ZNF536: variants seen among roughly 807,000 people sequenced by gnomAD.
ZNF536 encodes the protein zinc finger protein 536.
A neutral mutation model predicts 84.5 loss-of-function variants in ZNF536; 13 were observed. The ratio of observed to expected loss-of-function variants is 0.15; its 90% CI spans 0.10 to 0.24. The LOEUF (loss-of-function observed/expected upper bound fraction) is 0.24, where lower values mean the gene tolerates loss of function less well. Among genes scored for constraint, ZNF536 ranks in the 10% least tolerant of loss-of-function variants. The probability of loss-of-function intolerance (pLI) is 1.00; values close to 1 mark genes in which losing one functional copy is unlikely to be tolerated. For missense variants in ZNF536, 1,536 were observed against 1,747.5 expected, an observed-to-expected ratio of 0.88 and a Z score of 2.16; for synonymous variants, 811 against 742.5, an observed-to-expected ratio of 1.09 and a Z score of -1.50.
At chr19:30,313,137 C>T (rs1445712755) in intron 2 of ZNF536, among the ~76,000 whole-genome samples, 1 of 152,240 alleles carries the variant, frequency 6.6e-6, no homozygotes, top group Non-Finnish European at 1.5e-5. Context: ...GCCCGGGGCA[C>T]TCACAAGGAT....
chr19:30,526,246 C>G (rs969754357), intron 2 of ZNF536, among the ~76,000 whole-genome samples: 1 of 152,222 alleles, frequency 6.6e-6, no homozygotes, highest in Admixed American at 6.5e-5. Flanking sequence ...AGTCTCTAGC[C>G]TGGGGACTGA....
intron 4 of ZNF536, chr19:30,555,382 T>C (rs1430091289): frequency 1.3e-5 from 2 of 152,218 alleles, no homozygotes; most frequent in African/African-American, 4.8e-5. Flanking sequence ...ACGGCAGGCA[T>C]CAACCTTACC....
At chr19:30,679,594 A>G (rs1426835992) in intron 1 of ZNF536, among the ~76,000 whole-genome samples, 1 of 152,166 alleles carries the variant, frequency 6.6e-6, no homozygotes, top group Non-Finnish European at 1.5e-5. Context: ...TCCAGGAGGC[A>G]GAGCCCTTGG....
rs1307025035 is a variant in ZNF536, at chr19:30,245,359, A to G, written c.-190+16686A>G. On this transcript the variant is annotated intron_variant, in intron 1 of 5. Transcript: ENST00000585628. ...CACTTACCCATCTCCTTCCCTCCAC[A>G]GGACTAGACTCCCCAAAGCCAGGGC... Among the ~76,000 whole-genome samples the G allele has an allele frequency of 3.3e-5, 5 of 152,182 alleles. No homozygotes were observed. The East Asian group carries it at 9.6e-4, about 29-fold the overall frequency.
chr19:30,535,586 G>C lies in ZNF536; in HGVS notation c.2323+587G>C, dbSNP rs2045038261. On this transcript the variant is annotated intron_variant, in intron 3 of 4. Coordinates refer to ENST00000355537, the MANE Select transcript of ZNF536 (RefSeq NM_014717.3). ...TGCTCTTAGGCAAAGGGGGGCAAGTGGCTGCTGCACCCCTCTGGCCATTTC... is the reference window on the plus strand; with the variant it reads ...TGCTCTTAGGCAAAGGGGGGCAAGTCGCTGCTGCACCCCTCTGGCCATTTC... Among the ~76,000 whole-genome samples the C allele has an allele frequency of 2.0e-5, 3 of 152,088 alleles. No homozygotes were observed. In the South Asian group the frequency reaches 6.2e-4, roughly 32 times the overall value.
chr19:30,386,689 C>T (rs1391760904), intron 1 of ZNF536, among the ~76,000 whole-genome samples: 5 of 152,344 alleles, frequency 3.3e-5, no homozygotes, highest in Non-Finnish European at 5.9e-5. Context: ...CTTGTCTCTT[C>T]TGACATGTAG....
intron 1 of ZNF536, among the ~76,000 whole-genome samples, chr19:30,652,894 C>T (rs1162101206): frequency 6.6e-6 from 1 of 152,142 alleles, no homozygotes; most frequent in Non-Finnish European, 1.5e-5. Flanking sequence ...TCTGGAAACC[C>T]ACTTCTTACT....
chr19:30,405,654 G>A (rs1414986551), intron 1 of ZNF536, among the ~76,000 whole-genome samples: 1 of 152,042 alleles, frequency 6.6e-6, no homozygotes, highest in African/African-American at 2.4e-5. Context: ...TCTAGAAGGT[G>A]GATTTTCAGA....
At chr19:30,567,802 C>T (rs925323226) in intron 1 of ZNF536, among the ~76,000 whole-genome samples, 2 of 152,138 alleles carry the variant, frequency 1.3e-5, no homozygotes, top group Non-Finnish European at 2.9e-5. Context: ...CCCACAGAGC[C>T]GCTTCACATG....
At chr19:30,624,428 G>A (rs549291655) in intron 1 of ZNF536, among the ~76,000 whole-genome samples, 2 of 152,198 alleles carry the variant, frequency 1.3e-5, no homozygotes, top group Non-Finnish European at 2.9e-5. Context: ...TGATCTAACA[G>A]TGTTGGGAAA....
At chr19:30,376,812 C>A (rs1351137882) in intron 1 of ZNF536, among the ~76,000 whole-genome samples, 3 of 152,224 alleles carry the variant, frequency 2.0e-5, no homozygotes, top group Non-Finnish European at 4.4e-5. Context: ...CCGCCTGGCT[C>A]CCCCATTAAA....
At position 30,389,028 on chromosome 19, in the gene ZNF536, G is replaced by T. The variant is rs568754552; in HGVS notation, c.-3+16472G>T. Among the ~76,000 whole-genome samples, 31 of 152,312 alleles carry T rather than the reference G, an allele frequency of 2.0e-4. 1 individual carries two copies. The East Asian group carries it at 5.6e-3, about 28-fold the overall frequency. On this transcript the variant is annotated intron_variant, in intron 1 of 4. Transcript: ENST00000355537. ...CCTGTGAGGAAGGAGGGAGTCCCAT[G>T]CCCCATCTCTCTTGATTTACCAGGC... is the stretch of plus-strand genomic sequence containing the variant.
At chr19:30,390,814 T>G (rs1460120381) in intron 1 of ZNF536, among the ~76,000 whole-genome samples, 1 of 152,048 alleles carries the variant, frequency 6.6e-6, no homozygotes, top group African/African-American at 2.4e-5. Flanking sequence ...CCCGCCCCCA[T>G]GTTTACACTC....
chr19:30,458,087 C>T (rs528147605), intron 2 of ZNF536, among the ~76,000 whole-genome samples: 18 of 152,250 alleles, frequency 1.2e-4, no homozygotes, highest in Non-Finnish European at 1.9e-4. Context: ...CATTTTCTCA[C>T]GTTAAAGGAA....
chr19:30,627,183 C>T (rs948472308), intron 1 of ZNF536, among the ~76,000 whole-genome samples: 2 of 151,968 alleles, frequency 1.3e-5, no homozygotes, highest in African/African-American at 4.8e-5. Context: ...CATGAAAGTT[C>T]TAGGCTGGCT....
chr19:30,690,248 G>A (rs2051353813), intron 1 of ZNF536, among the ~76,000 whole-genome samples: 1 of 152,184 alleles, frequency 6.6e-6, no homozygotes, highest in African/African-American at 2.4e-5. Flanking sequence ...CCACATTTGG[G>A]GTGAAAAGAC....
chr19:30,447,178 A>G (rs181363516), intron 2 of ZNF536, among the ~76,000 whole-genome samples: 44 of 152,252 alleles, frequency 2.9e-4, no homozygotes, highest in Middle Eastern at 3.4e-3. Flanking sequence ...TCATTTTTTA[A>G]AAGTTTTTTC....
intron 1 of ZNF536, among the ~76,000 whole-genome samples, chr19:30,382,373 C>T (rs1021622591): frequency 6.6e-6 from 1 of 152,098 alleles, no homozygotes; most frequent in Non-Finnish European, 1.5e-5. Flanking sequence ...TGCTTTTTCT[C>T]CAAGACATTT....
intron 1 of ZNF536, among the ~76,000 whole-genome samples, chr19:30,635,977 C>T (rs897656778): frequency 1.3e-5 from 2 of 152,220 alleles, no homozygotes; most frequent in African/African-American, 4.8e-5. Context: ...GAGTGGGCCG[C>T]CGGAGAGCTG....
Sources: gnomAD v4.1 joint callset for allele counts (sites outside exome capture counted in the v4.1 genomes callset) on GRCh38, gnomAD v4.1.1 for gene constraint, MANE v1.5 for transcripts, NCBI Gene and HGNC (gene_info 2026-07-23, HGNC 2026-07-21) for gene names.